DZIP1L: variants seen among roughly 807,000 people sequenced by gnomAD.
The protein encoded by DZIP1L is cilium assembly protein DZIP1L.
In DZIP1L, 90 loss-of-function variants were observed where a neutral mutation model predicts 88.7. The ratio of observed to expected loss-of-function variants is 1.02; its 90% CI spans 0.86 to 1.21. The LOEUF is 1.21. Among genes scored for constraint, DZIP1L ranks in the 50% most tolerant of loss-of-function variants. The pLI is 0.00. For missense variants in DZIP1L, 932 were observed against 955.8 expected, an observed-to-expected ratio of 0.98 and a Z score of 0.33; for synonymous variants, 363 against 372.1, an observed-to-expected ratio of 0.98 and a Z score of 0.28.
chr3:138,081,052 T>C (rs189335536), intron 9 of DZIP1L, among the ~76,000 whole-genome samples: 366 of 152,260 alleles, frequency 2.4e-3, no homozygotes, highest in Non-Finnish European at 2.6e-3. Flanking sequence ...CTGAACTGGC[T>C]ACACGGCTGG....
At chr3:138,102,598 T>C (rs2042354891) in intron 2 of DZIP1L, 1 of 1,471,834 alleles carries the variant, frequency 6.8e-7, no homozygotes, top group African/African-American at 1.4e-5. Context: ...CCATACCTTG[T>C]CTATGAAGGA....
chr3:138,080,463 G>T, intron 10 of DZIP1L, 104 bp downstream of exon 10: 1 of 1,295,498 alleles, frequency 7.7e-7, no homozygotes, highest in Non-Finnish European at 1.1e-6. Flanking sequence ...CTCCACTCCA[G>T]CTTCGGATGT....
chr3:138,084,473 G>A (rs1943830493), intron 7 of DZIP1L, among the ~76,000 whole-genome samples: 1 of 152,224 alleles, frequency 6.6e-6, no homozygotes, highest in Admixed American at 6.5e-5. Context: ...AAGACCAGGA[G>A]AGAAAGGTGT....
intron 7 of DZIP1L, among the ~76,000 whole-genome samples, chr3:138,085,071 C>T (rs989854320): frequency 6.6e-6 from 1 of 152,140 alleles, no homozygotes. Flanking sequence ...TAGCGTGATG[C>T]CTCCACTTCC....
chr3:138,114,745 C>T (rs1001694520), intron 1 of DZIP1L, among the ~76,000 whole-genome samples: 2 of 152,148 alleles, frequency 1.3e-5, no homozygotes, highest in African/African-American at 4.8e-5. Flanking sequence ...CTCGGACCCC[C>T]TCCTCTGCCC....
rs937654540 is a variant in DZIP1L at position 138,081,832 on chromosome 3, G to C, written c.1204-68C>G. The C allele has an allele frequency of 3.2e-6, 5 of 1,551,994 alleles. No individual in the cohort carries two copies. In the African/African-American group the frequency reaches 4.1e-5, roughly 13 times the overall value. On this transcript the variant is annotated intron_variant, in intron 8 of 15. Transcript: ENST00000327532. ...CATTGTGAGAACTCTGCTTTGAGCA[G>C]TGTCTGCCTAGCACAGTGAGGAAGG... is the stretch of plus-strand genomic sequence containing the variant.
intron 12 of DZIP1L, among the ~76,000 whole-genome samples, chr3:138,069,765 C>T (rs761668675): frequency 1.3e-5 from 2 of 152,282 alleles, no homozygotes; most frequent in East Asian, 1.9e-4. Context: ...GGGCCCTCAC[C>T]GCTACTTCCC....
intron 5 of DZIP1L, among the ~76,000 whole-genome samples, chr3:138,091,490 C>T (rs1350207538): frequency 2.0e-5 from 3 of 151,424 alleles, no homozygotes; most frequent in African/African-American, 7.3e-5. Flanking sequence ...CGGTGGCACA[C>T]GCCTGTAATC....
At chr3:138,082,150 A>G (rs1158502212) in intron 8 of DZIP1L, among the ~76,000 whole-genome samples, 1 of 152,210 alleles carries the variant, frequency 6.6e-6, no homozygotes, top group Non-Finnish European at 1.5e-5. Flanking sequence ...GTCTGAGCAG[A>G]GCACTCCCTG....
At chr3:138,069,105 C>T in intron 12 of DZIP1L, 2 of 860,612 alleles carry the variant, frequency 2.3e-6, no homozygotes, top group Non-Finnish European at 3.6e-6. Flanking sequence ...GGATTTTCTT[C>T]CGACTCTGCC....
chr3:138,104,064 G>A lies in DZIP1L; in HGVS notation c.-81-12C>T. On this transcript the variant is annotated splice_polypyrimidine_tract_variant and intron_variant, in intron 1 of 15. Coordinates refer to ENST00000327532, the MANE Select transcript of DZIP1L (RefSeq NM_173543.3). Reference sequence around the variant, plus strand: ...AGCTGAGAGAAGGCCTGGAAAATAAGAAGAGAGTCCAAGTTAGGTGAGGTG... The same window carrying A: ...AGCTGAGAGAAGGCCTGGAAAATAAAAAGAGAGTCCAAGTTAGGTGAGGTG... The A allele has an allele frequency of 6.6e-7, 1 of 1,511,502 alleles. No homozygotes were observed. Among genetic ancestry groups the A allele is most frequent in the East Asian group, 2.3e-5 (1 of 44,196 alleles). The allele number at this position is 1,511,502 out of a possible 1,614,324, so 93.6% of individuals were successfully genotyped here. A position where few individuals can be genotyped will look rare whatever the true frequency, so the allele number is the denominator to read the frequency against.
chr3:138,106,120 CTTCT>C (rs1559864261), intron 1 of DZIP1L, among the ~76,000 whole-genome samples: 1 of 117,454 alleles, frequency 8.5e-6, no homozygotes, highest in African/African-American at 3.2e-5. Context: ...ATGATTCAGT[CTTCT>C]TTCTTTTTTT....
chr3:138,089,003 G>T, intron 5 of DZIP1L: 15 of 985,474 alleles, frequency 1.5e-5, no homozygotes, highest in Non-Finnish European at 1.8e-5. Context: ...AGCAGTGTGT[G>T]TGACCTGAAG....
chr3:138,111,013 C>T (rs1397068382), intron 1 of DZIP1L, among the ~76,000 whole-genome samples: 2 of 152,164 alleles, frequency 1.3e-5, no homozygotes, highest in Non-Finnish European at 2.9e-5. Context: ...GGAAAGGGTT[C>T]TCTGGGAACA....
intron 2 of DZIP1L, among the ~76,000 whole-genome samples, chr3:138,100,561 G>A (rs1413313832): frequency 1.3e-5 from 2 of 152,144 alleles, no homozygotes; most frequent in East Asian, 1.9e-4. Context: ...TCTGAAGTGG[G>A]GCCAGTCTTG....
intron 10 of DZIP1L, among the ~76,000 whole-genome samples, chr3:138,078,499 G>C (rs1175960123): frequency 5.3e-5 from 8 of 152,172 alleles, no homozygotes; most frequent in Admixed American, 1.3e-4. Flanking sequence ...CCCAACGCTT[G>C]ATATTTATAT....
intron 11 of DZIP1L, among the ~76,000 whole-genome samples, chr3:138,073,806 C>CA (rs1381179283): frequency 1.3e-5 from 2 of 151,664 alleles, no homozygotes; most frequent in African/African-American, 2.4e-5. Context: ...CTTAAAGAAA[C>CA]AAAAAATGTT....
At chr3:138,068,875 T>C (rs1428509022) in intron 12 of DZIP1L, 1 of 1,221,042 alleles carries the variant, frequency 8.2e-7, no homozygotes, top group Non-Finnish European at 1.0e-6. Flanking sequence ...CCCTCTGTTT[T>C]CCAAATTGCA....
chr3:138,068,711 C>T (rs1462654553), intron 12 of DZIP1L, among the ~76,000 whole-genome samples: 6 of 152,176 alleles, frequency 3.9e-5, no homozygotes, highest in Non-Finnish European at 8.8e-5. Flanking sequence ...CCCCAACCCA[C>T]GCTACAGCCG....
Sources: gnomAD v4.1 joint callset for allele counts (sites outside exome capture counted in the v4.1 genomes callset) on GRCh38, gnomAD v4.1.1 for gene constraint, MANE v1.5 for transcripts, NCBI Gene and HGNC (gene_info 2026-07-23, HGNC 2026-07-21) for gene names.